The following TMEM167A variants were observed in gnomAD, a reference collection of about 807,000 sequenced individuals.
TMEM167A encodes the protein transmembrane protein 167A.
In TMEM167A, 8 loss-of-function variants were observed where a neutral mutation model predicts 11.6. The ratio of observed to expected loss-of-function variants is 0.69; its 90% CI spans 0.40 to 1.24. The LOEUF is 1.24. Ranked by LOEUF, TMEM167A falls within the 50% of genes most tolerant of loss-of-function variation. The pLI is 0.01. For synonymous variants in TMEM167A, 22 were observed against 28.0 expected (o/e 0.79, Z 0.67); for missense variants, 62 against 87.0 (o/e 0.71, Z 1.14).
At chr5:83,064,231 A>T in intron 2 of TMEM167A, 1 of 518,530 alleles carries the variant, frequency 1.9e-6, no homozygotes, top group South Asian at 1.4e-5. Context: ...ACTACCACTC[A>T]ACCTTTACTA....
At chr5:83,074,426 A>G (rs1427407957) in intron 1 of TMEM167A, among the ~76,000 whole-genome samples, 2 of 152,156 alleles carry the variant, frequency 1.3e-5, no homozygotes, top group South Asian at 4.1e-4. Flanking sequence ...GATTTTCTAC[A>G]TATCTTCTGC....
chr5:83,057,148 C>T lies in TMEM167A; in HGVS notation c.155G>A (p.Arg52Gln), dbSNP rs759697242. Residue 52 changes from arginine (R) to glutamine (Q), a missense_variant, in exon 4 of 4, where the codon CGG becomes CAG. Arg to Gln is a conservative substitution (Grantham distance 43, BLOSUM62 1). Coordinates refer to ENST00000502346, the MANE Select transcript of TMEM167A (RefSeq NM_174909.5). Reference sequence around the variant, plus strand: ...GCATACTGCAACATAAGGACTCTTCCGTTCACCTGTTGAAAAAAAGGAGAT... The same window carrying T: ...GCATACTGCAACATAAGGACTCTTCTGTTCACCTGTTGAAAAAAAGGAGAT... ...IFWKCARIGE[R>Q]KSPYVAVCCI... The T allele has an allele frequency of 2.5e-6, 4 of 1,611,744 alleles. No individual in the cohort carries two copies. The highest frequency in any genetic ancestry group is 2.5e-6 in the Non-Finnish European group (3 of 1,178,718).
At chr5:83,063,512 G>A (rs1298184388) in intron 2 of TMEM167A, among the ~76,000 whole-genome samples, 1 of 152,014 alleles carries the variant, frequency 6.6e-6, no homozygotes. Context: ...GTCTTTTTGG[G>A]TCTAATATTC....
At chr5:83,075,806 T>C (rs1012949925) in intron 1 of TMEM167A, among the ~76,000 whole-genome samples, 8 of 152,140 alleles carry the variant, frequency 5.3e-5, no homozygotes, top group Non-Finnish European at 8.8e-5. Flanking sequence ...ACCATTGGGT[T>C]ACCTCACAAA....
intron 1 of TMEM167A, among the ~76,000 whole-genome samples, chr5:83,068,193 C>T (rs1744511075): frequency 6.6e-6 from 1 of 151,922 alleles, no homozygotes; most frequent in African/African-American, 2.4e-5. Flanking sequence ...GATTTCCTCC[C>T]AACATAACTA....
intron 1 of TMEM167A, among the ~76,000 whole-genome samples, chr5:83,069,682 TAAC>T (rs1252774447): frequency 6.6e-6 from 1 of 152,098 alleles, no homozygotes; most frequent in African/African-American, 2.4e-5. Flanking sequence ...TACATACACA[TAAC>T]AATGTGTATG....
intron 1 of TMEM167A, among the ~76,000 whole-genome samples, chr5:83,076,765 G>T (rs1331219616): frequency 6.6e-6 from 1 of 152,216 alleles, no homozygotes; most frequent in Admixed American, 6.5e-5. Flanking sequence ...TAAGCTCCTA[G>T]AAGGGCAATC....
chr5:83,075,976 C>A (rs1265685283), intron 1 of TMEM167A, among the ~76,000 whole-genome samples: 1 of 152,096 alleles, frequency 6.6e-6, no homozygotes, highest in South Asian at 2.1e-4. Context: ...CAGTTGTTTC[C>A]GTTTTCCACC....
intron 2 of TMEM167A, among the ~76,000 whole-genome samples, chr5:83,062,942 G>A (rs983948752): frequency 6.6e-6 from 1 of 150,402 alleles, no homozygotes; most frequent in Non-Finnish European, 1.5e-5. Flanking sequence ...GTTCAGTTAA[G>A]TTCTATATAT....
At position 83,057,136 on chromosome 5, in the gene TMEM167A, T is replaced by G; in HGVS notation, c.167A>C (p.Tyr56Ser). 1 of 1,612,166 alleles carries G rather than the reference T, an allele frequency of 6.2e-7. No individual in the cohort carries two copies. Among genetic ancestry groups the G allele is most frequent in the South Asian group, 1.1e-5 (1 of 91,030 alleles). ...CARIGERKSP[Y>S]VAVCCIVMAF... The stretch of plus-strand genomic sequence containing the variant: ...CATTACTATACAGCATACTGCAACA[T>G]AAGGACTCTTCCGTTCACCTGTTGA... The change falls in exon 4 of 4, where the codon TAT becomes TCT. Residue 56 changes from tyrosine (Y) to serine (S), a missense_variant. Coordinates refer to ENST00000502346, the MANE Select transcript of TMEM167A (RefSeq NM_174909.5).
At chr5:83,075,605 C>T (rs573311769) in intron 1 of TMEM167A, among the ~76,000 whole-genome samples, 18 of 151,936 alleles carry the variant, frequency 1.2e-4, no homozygotes, top group Admixed American at 8.5e-4. Flanking sequence ...ATTAGCCAGG[C>T]GTGGTTGTGC....
At chr5:83,070,408 A>G (rs1287739857) in intron 1 of TMEM167A, among the ~76,000 whole-genome samples, 1 of 152,192 alleles carries the variant, frequency 6.6e-6, no homozygotes, top group African/African-American at 2.4e-5. Flanking sequence ...CTCATAATCA[A>G]TAAGATCTTT....
chr5:83,070,665 T>C (rs566772018), intron 1 of TMEM167A, among the ~76,000 whole-genome samples: 1 of 152,268 alleles, frequency 6.6e-6, no homozygotes, highest in East Asian at 1.9e-4. Flanking sequence ...TGAAATTACT[T>C]ACAATGTTGA....
chr5:83,068,125 A>G (rs759404016), intron 1 of TMEM167A, among the ~76,000 whole-genome samples: 1 of 73,512 alleles, frequency 1.4e-5, no homozygotes, highest in Non-Finnish European at 4.4e-5. Flanking sequence ...TATTTTGAAT[A>G]TGTATGTGAA....
chr5:83,057,767 C>T (rs868371824), intron 3 of TMEM167A, among the ~76,000 whole-genome samples: 2 of 152,106 alleles, frequency 1.3e-5, no homozygotes, highest in Non-Finnish European at 2.9e-5. Context: ...AAACTAACCA[C>T]TTCTGTATCA....
chr5:83,069,043 G>T (rs1205352373), intron 1 of TMEM167A, among the ~76,000 whole-genome samples: 2 of 152,182 alleles, frequency 1.3e-5, no homozygotes, highest in African/African-American at 4.8e-5. Context: ...TATTAGGAAA[G>T]TAGAGTGTGT....
intron 1 of TMEM167A, among the ~76,000 whole-genome samples, chr5:83,069,785 A>G (rs1744534960): frequency 1.3e-5 from 2 of 152,166 alleles, no homozygotes; most frequent in Admixed American, 6.5e-5. Flanking sequence ...GTACACAGAG[A>G]AGTCACTGAA....
chr5:83,063,994 T>A (rs895724558), intron 2 of TMEM167A, among the ~76,000 whole-genome samples: 3 of 152,056 alleles, frequency 2.0e-5, no homozygotes, highest in Non-Finnish European at 1.5e-5. Context: ...AATAAAAGAT[T>A]ACGAGTCTCA....
intron 1 of TMEM167A, among the ~76,000 whole-genome samples, chr5:83,074,610 T>C (rs954423164): frequency 1.3e-5 from 2 of 152,206 alleles, no homozygotes; most frequent in Non-Finnish European, 2.9e-5. Context: ...GAACTGGAAA[T>C]GATTCTAACT....
Sources: gnomAD v4.1 joint callset for allele counts (sites outside exome capture counted in the v4.1 genomes callset) on GRCh38, gnomAD v4.1.1 for gene constraint, MANE v1.5 for transcripts, NCBI Gene and HGNC (gene_info 2026-07-23, HGNC 2026-07-21) for gene names.